IQGAP2: variants seen among roughly 807,000 people sequenced by gnomAD.
The protein encoded by IQGAP2 is ras GTPase-activating-like protein IQGAP2.
Under a neutral mutation model 201.3 loss-of-function variants are expected in IQGAP2, and 173 were observed. That is an observed-to-expected ratio of 0.86 (90% CI 0.76 to 0.98). The LOEUF (loss-of-function observed/expected upper bound fraction) is 0.98. IQGAP2 is among the 50% of genes least tolerant of loss of function. The pLI, the probability that IQGAP2 is intolerant of heterozygous loss-of-function variation, is 0.00. For synonymous variants in IQGAP2, 675 were observed against 673.9 expected (o/e 1.00, Z -0.03); for missense variants, 1,687 against 1,864.8 (o/e 0.90, Z 1.76).
chr5:76,510,838 C>T (rs567252631), intron 2 of IQGAP2: 50 of 423,210 alleles, frequency 1.2e-4, no homozygotes, highest in South Asian at 8.9e-4. Context: ...GCAGGCTGGG[C>T]CTTCCAGAAG....
chr5:76,631,889 G>A lies in IQGAP2; in HGVS notation c.1643G>A (p.Cys548Tyr). Residue 548 changes from cysteine to tyrosine, a missense_variant, in exon 15 of 36, where the codon TGT (cysteine) becomes TAT (tyrosine). By Grantham distance (194) the Cys-to-Tyr change is radical (BLOSUM62 -2). Coordinates refer to ENST00000274364, the MANE Select transcript of IQGAP2 (RefSeq NM_006633.5). Reference protein sequence around the residue: ...WVTLVVDVNQCLEGKKSSDIL... With the variant: ...WVTLVVDVNQYLEGKKSSDIL... ...ACTCTGGTGGTTGATGTTAATCAGTGTTTGGAAGGAAAAAAATCAAGTGAT... is the reference window on the plus strand; with the variant it reads ...ACTCTGGTGGTTGATGTTAATCAGTATTTGGAAGGAAAAAAATCAAGTGAT... 1 of 1,608,078 alleles carries A rather than the reference G, an allele frequency of 6.2e-7. No homozygotes were observed. Among genetic ancestry groups the A allele is most frequent in the Non-Finnish European group, 8.5e-7 (1 of 1,177,036 alleles).
rs148726369 is a variant in IQGAP2 at position 76,688,364 on chromosome 5, G to A, written c.3905+4447G>A. On this transcript the variant is annotated intron_variant, in intron 30 of 35. Transcript: ENST00000274364. ...GTCATGAGTAACTCATCTTCATGGA[G>A]GCCCCCACAGTAGCAGAATTTGAGG... Among the ~76,000 whole-genome samples the A allele has an allele frequency of 6.8e-4, 104 of 152,240 alleles. 1 individual carries two copies. The highest frequency in any genetic ancestry group is 2.4e-3 in the African/African-American group (99 of 41,548).
intron 10 of IQGAP2, among the ~76,000 whole-genome samples, chr5:76,598,965 G>T (rs1011213984): frequency 7.2e-5 from 11 of 152,102 alleles, no homozygotes; most frequent in African/African-American, 2.7e-4. Flanking sequence ...TTTGCAAAAA[G>T]AAAGTGAAGT....
chr5:76,632,025 A>G lies in IQGAP2; in HGVS notation c.1779A>G (p.Arg593=). 1 of 1,601,228 alleles carries G rather than the reference A, an allele frequency of 6.2e-7. No individual in the cohort carries two copies. The highest frequency in any genetic ancestry group is 8.5e-7 in the Non-Finnish European group (1 of 1,174,818). The change falls in exon 15 of 36, where the codon AGA becomes AGG. Residue 593 remains arginine, a splice_region_variant and synonymous_variant. Coordinates refer to ENST00000274364, the MANE Select transcript of IQGAP2 (RefSeq NM_006633.5). The part of the protein sequence containing the change: ...LVKAKELKSE[R]VSSDGSWLKL... The stretch of plus-strand genomic sequence containing the variant: ...AGGCAAAAGAGCTCAAATCTGAAAG[A>G]GGTAAGTTGGTTTGTTACTTTAGCA...
chr5:76,641,327 C>T (rs573435360), intron 17 of IQGAP2, among the ~76,000 whole-genome samples: 6 of 152,194 alleles, frequency 3.9e-5, no homozygotes, highest in East Asian at 1.9e-4. Context: ...TTAGGAGCAC[C>T]GCAGATTTGC....
intron 13 of IQGAP2, chr5:76,618,444 A>C (rs759571218): frequency 6.2e-7 from 1 of 1,614,216 alleles, no homozygotes; most frequent in Admixed American, 1.7e-5. Flanking sequence ...GGAGCTGGTC[A>C]GGTACCCCAT....
intron 2 of IQGAP2, among the ~76,000 whole-genome samples, chr5:76,502,590 G>A (rs1257137740): frequency 1.3e-5 from 2 of 152,116 alleles, no homozygotes; most frequent in Non-Finnish European, 2.9e-5. Flanking sequence ...GCTGTCATTG[G>A]TTTTAGTTCA....
At chr5:76,607,099 T>C (rs1747863781) in intron 12 of IQGAP2, 1 of 152,170 alleles carries the variant, frequency 6.6e-6, no homozygotes, top group African/African-American at 2.4e-5. Flanking sequence ...TTCTAACTCA[T>C]TTGCTCCAAG....
chr5:76,429,600 A>T (rs1580172119), intron 1 of IQGAP2, among the ~76,000 whole-genome samples: 1 of 138,196 alleles, frequency 7.2e-6, no homozygotes, highest in Admixed American at 7.3e-5. Flanking sequence ...ATATATATGT[A>T]TATTTATATA....
chr5:76,698,160 C>G lies in IQGAP2; in HGVS notation c.4367+13C>G. On this transcript the variant is annotated intron_variant, in intron 33 of 35. Coordinates refer to ENST00000274364, the MANE Select transcript of IQGAP2 (RefSeq NM_006633.5). The stretch of plus-strand genomic sequence containing the variant: ...ACTTAAAAAGAAAGTAAGTTAAAAT[C>G]ATGTCATGTTCATTTGTAATGTCAT... 1 of 1,539,152 alleles carries G rather than the reference C, an allele frequency of 6.5e-7. No individual in the cohort carries two copies. Among genetic ancestry groups the G allele is most frequent in the Non-Finnish European group, 8.9e-7 (1 of 1,119,274 alleles).
intron 1 of IQGAP2, among the ~76,000 whole-genome samples, chr5:76,410,159 A>G (rs1580131557): frequency 6.6e-6 from 1 of 152,192 alleles, no homozygotes; most frequent in African/African-American, 2.4e-5. Context: ...GTGCCCTTCC[A>G]AGTTCTGTGG....
intron 16 of IQGAP2, 105 bp downstream of exon 16, chr5:76,637,281 C>A: frequency 1.1e-6 from 1 of 886,070 alleles, no homozygotes; most frequent in Non-Finnish European, 1.7e-6. Flanking sequence ...ACTGATTTAT[C>A]TGAAGTCTGG....
At chr5:76,566,102 A>G (rs143702376) in intron 3 of IQGAP2, among the ~76,000 whole-genome samples, 22 of 152,188 alleles carry the variant, frequency 1.4e-4, no homozygotes, top group Non-Finnish European at 2.5e-4. Flanking sequence ...TCATTCATCC[A>G]TGCAACACTT....
rs146782163 is a variant in IQGAP2, at chr5:76,630,951, A to T, written c.1613-908A>T. Among the ~76,000 whole-genome samples the T allele has an allele frequency of 1.0e-3, 153 of 152,298 alleles. 3 individuals are homozygous for T. In the East Asian group the frequency reaches 0.023, roughly 23 times the overall value. Reference sequence around the variant, plus strand: ...TTTTTCTTTCTCCTTTAACCCTCATAGTGCTATGCACATGTGAACATAATT... The same window carrying T: ...TTTTTCTTTCTCCTTTAACCCTCATTGTGCTATGCACATGTGAACATAATT... On this transcript the variant is annotated intron_variant, in intron 14 of 35. Transcript: ENST00000274364.
intron 16 of IQGAP2, among the ~76,000 whole-genome samples, chr5:76,639,478 T>C (rs557568593): frequency 1.2e-3 from 179 of 152,278 alleles, no homozygotes; most frequent in Middle Eastern, 3.4e-3. Flanking sequence ...TGAAGGAATA[T>C]TCACCAACAT....
At chr5:76,454,743 C>A in intron 1 of IQGAP2, among the ~76,000 whole-genome samples, 1 of 151,344 alleles carries the variant, frequency 6.6e-6, no homozygotes, top group African/African-American at 2.4e-5. Flanking sequence ...AATAGTGCCG[C>A]AATAAACATA....
chr5:76,619,514 C>CTTTTT (rs773323091), intron 13 of IQGAP2, among the ~76,000 whole-genome samples: 1 of 104,258 alleles, frequency 9.6e-6, no homozygotes, highest in African/African-American at 4.0e-5. Flanking sequence ...TAAGGATCTT[C>CTTTTT]TTTTTTTTTT....
At chr5:76,510,667 TA>T in intron 2 of IQGAP2, 1 of 537,496 alleles carries the variant, frequency 1.9e-6, no homozygotes. Context: ...CTGCCACCGC[TA>T]AACAGCCTAG....
At chr5:76,520,191 G>A (rs190951549) in intron 2 of IQGAP2, among the ~76,000 whole-genome samples, 29 of 151,484 alleles carry the variant, frequency 1.9e-4, no homozygotes, top group Non-Finnish European at 3.7e-4. Context: ...TAACAATTTC[G>A]GGTTAATTTT....
Sources: allele counts gnomAD v4.1 joint callset (sites outside exome capture counted in the v4.1 genomes callset), GRCh38; gene constraint gnomAD v4.1.1; transcripts MANE v1.5; gene names NCBI Gene and HGNC (gene_info 2026-07-23, HGNC 2026-07-21).